Variants in SWT1 observed in about 807,000 individuals in gnomAD.
SWT1 encodes the protein transcriptional protein SWT1.
SWT1 carries 33 observed loss-of-function variants against 107.3 expected under a neutral mutation model. The observed-to-expected ratio is 0.31, with a 90% CI of 0.23 to 0.41. SWT1 has a LOEUF of 0.41. Ranked by LOEUF, SWT1 falls within the 10% of genes least tolerant of loss-of-function variation. The pLI is 1.00. For synonymous variants in SWT1, 345 were observed against 348.3 expected (o/e 0.99, Z 0.11); for missense variants, 898 against 1,028.9 (o/e 0.87, Z 1.74).
chr1:185,233,219 A>C (rs930055398), intron 16 of SWT1, among the ~76,000 whole-genome samples: 4 of 152,024 alleles, frequency 2.6e-5, no homozygotes, highest in Admixed American at 1.3e-4. Context: ...CTGGGAGTTT[A>C]AAAAAATAGG....
In SWT1 at chr1:185,222,483, G is replaced by A. The variant is rs144312580; in HGVS notation, c.2309+447G>A. Among the ~76,000 whole-genome samples, 1,249 of 152,156 alleles carry A rather than the reference G, an allele frequency of 8.2e-3. 15 individuals are homozygous for A. The highest frequency in any genetic ancestry group is 0.028 in the African/African-American group (1,173 of 41,506). On this transcript the variant is annotated intron_variant, in intron 15 of 18. Coordinates refer to ENST00000367500, the MANE Select transcript of SWT1 (RefSeq NM_017673.7). ...TGTGATAAGAACATTTAGGCCGGGCGTGGTGGCTTACACCCATAGTCCCAG... is the reference window on the plus strand; with the variant it reads ...TGTGATAAGAACATTTAGGCCGGGCATGGTGGCTTACACCCATAGTCCCAG...
At chr1:185,270,293 T>TA (rs1315896605) in intron 16 of SWT1, among the ~76,000 whole-genome samples, 1 of 110,340 alleles carries the variant, frequency 9.1e-6, no homozygotes, top group East Asian at 2.4e-4. Flanking sequence ...TTCCTTTTTT[T>TA]TTTTTTTTTC....
chr1:185,199,613 G>A (rs980931425), intron 10 of SWT1, among the ~76,000 whole-genome samples: 2 of 152,196 alleles, frequency 1.3e-5, no homozygotes, highest in Non-Finnish European at 2.9e-5. Context: ...TGAGAGATCT[G>A]CTGTTAGTCT....
chr1:185,231,618 C>G lies in SWT1; in HGVS notation c.2351C>G (p.Thr784Ser). ...FQRLGSNSAL[T>S]TSNIASFEEA... Reference sequence around the variant, plus strand: ...AGATTGGGCTCAAATTCAGCTCTGACTACTTCAAATATAGCATCATTTGAA... The same window carrying G: ...AGATTGGGCTCAAATTCAGCTCTGAGTACTTCAAATATAGCATCATTTGAA... Residue 784 changes from threonine (T) to serine (S), a missense_variant, in exon 16 of 19, where the codon ACT becomes AGT. This residue lies in a region of SWT1 where 382 missense variants were observed against 460.0 expected (regional missense o/e 0.83). Transcript: ENST00000367500. 2 of 1,610,384 alleles carry G rather than the reference C, an allele frequency of 1.2e-6. No individual in the cohort carries two copies. The highest frequency in any genetic ancestry group is 1.7e-6 in the Non-Finnish European group (2 of 1,177,140).
At chr1:185,191,048 G>A (rs915382935) in intron 10 of SWT1, among the ~76,000 whole-genome samples, 2 of 152,124 alleles carry the variant, frequency 1.3e-5, no homozygotes, top group South Asian at 4.1e-4. Context: ...TGCCTGGCTT[G>A]GAGTCCTGAT....
chr1:185,211,412 C>T (rs76643125), intron 13 of SWT1, among the ~76,000 whole-genome samples: 5,404 of 152,148 alleles, frequency 0.036, 305 homozygotes, highest in African/African-American at 0.12. Flanking sequence ...ATCCAAATAT[C>T]TATTTTTATA....
chr1:185,177,145 A>G, intron 5 of SWT1: 1 of 658,748 alleles, frequency 1.5e-6, no homozygotes, highest in South Asian at 6.8e-5. Context: ...GTTTGAATTG[A>G]GTTTGTTTTC....
chr1:185,167,384 G>A (rs1414688526), intron 3 of SWT1, among the ~76,000 whole-genome samples: 2 of 152,130 alleles, frequency 1.3e-5, no homozygotes, highest in Non-Finnish European at 2.9e-5. Flanking sequence ...ATAGGTTAGT[G>A]GTAATGTACT....
chr1:185,275,543 T>C (rs116038944), intron 17 of SWT1, among the ~76,000 whole-genome samples: 1,973 of 150,824 alleles, frequency 0.013, 40 homozygotes, highest in African/African-American at 0.045. Context: ...TGTGTACATA[T>C]ATATATAATT....
At chr1:185,173,084 T>G (rs1445448643) in intron 4 of SWT1, among the ~76,000 whole-genome samples, 1 of 151,722 alleles carries the variant, frequency 6.6e-6, no homozygotes, top group African/African-American at 2.4e-5. Context: ...ATGTTATTGT[T>G]ATTATTAGCA....
chr1:185,284,795 T>C (rs923942004), intron 18 of SWT1, among the ~76,000 whole-genome samples: 2 of 152,182 alleles, frequency 1.3e-5, no homozygotes, highest in Non-Finnish European at 2.9e-5. Context: ...GAGATAATTA[T>C]TTAGCTCAAG....
chr1:185,171,043 C>T (rs1277066896), intron 4 of SWT1, among the ~76,000 whole-genome samples: 1 of 152,146 alleles, frequency 6.6e-6, no homozygotes, highest in African/African-American at 2.4e-5. Flanking sequence ...AAAACAGTGA[C>T]TACCTCTAGC....
chr1:185,251,784 T>A (rs973529328), intron 16 of SWT1, among the ~76,000 whole-genome samples: 19 of 150,512 alleles, frequency 1.3e-4, no homozygotes, highest in African/African-American at 4.6e-4. Context: ...GTAAAACAAT[T>A]TATATATATA....
intron 2 of SWT1, among the ~76,000 whole-genome samples, chr1:185,161,632 C>A (rs1654156708): frequency 6.6e-6 from 1 of 151,934 alleles, no homozygotes; most frequent in Non-Finnish European, 1.5e-5. Flanking sequence ...GCCACGGAGA[C>A]CAAGGCTGAA....
In SWT1 at chr1:185,174,514, G is replaced by T; in HGVS notation, c.367G>T (p.Asp123Tyr). 6.2e-7 allele frequency: 1 copy of T among 1,610,986 alleles called. No individual in the cohort carries two copies. The highest frequency in any genetic ancestry group is 8.5e-7 in the Non-Finnish European group (1 of 1,179,026). The change falls in exon 5 of 19, where the codon GAC (aspartate) becomes TAC (tyrosine). Residue 123 changes from aspartate (D) to tyrosine (Y), a missense_variant. This residue lies in a region of SWT1 where 382 missense variants were observed against 362.4 expected (regional missense o/e 1.05). Transcript: ENST00000367500. ...QSPSSNGTKKDIHKCVDFKPK... is the reference protein window; with the variant it reads ...QSPSSNGTKKYIHKCVDFKPK... ...TCCTTCTTCAAATGGAACTAAAAAA[G>T]ACATACATAAATGTGTAGACTTTAA...
At chr1:185,273,426 G>A (rs954109984) in intron 17 of SWT1, among the ~76,000 whole-genome samples, 6 of 150,918 alleles carry the variant, frequency 4.0e-5, no homozygotes, top group African/African-American at 1.5e-4. Context: ...AAATAGGCTG[G>A]GCGCGGTGGC....
At position 185,160,900 on chromosome 1, in the gene SWT1, C is replaced by T; in HGVS notation, c.59C>T (p.Thr20Ile). Residue 20 changes from threonine (T) to isoleucine (I), a missense_variant, in exon 2 of 19, where the codon ACC becomes ATC. Physicochemically the swap from Thr to Ile is moderately conservative, Grantham distance 89. Coordinates refer to ENST00000367500, the MANE Select transcript of SWT1 (RefSeq NM_017673.7). Reference protein sequence around the residue: ...KETSQRKDTTTSSPNFGEKDK... With the variant: ...KETSQRKDTTISSPNFGEKDK... ...ACATCTCAGAGGAAAGACACCACCA[C>T]CTCATCACCCAATTTTGGTGAAAAA... 6.2e-7 allele frequency: 1 copy of T among 1,612,676 alleles called. No homozygotes were observed. Among genetic ancestry groups the T allele is most frequent in the Non-Finnish European group, 8.5e-7 (1 of 1,179,350 alleles).
At chr1:185,287,481 A>G (rs999655925) in intron 18 of SWT1, among the ~76,000 whole-genome samples, 1 of 152,188 alleles carries the variant, frequency 6.6e-6, no homozygotes, top group Non-Finnish European at 1.5e-5. Context: ...GGAAGAAGGG[A>G]AAGAGAGTTT....
At chr1:185,282,756 A>G (rs1450811852) in intron 18 of SWT1, among the ~76,000 whole-genome samples, 1 of 152,062 alleles carries the variant, frequency 6.6e-6, no homozygotes, top group Non-Finnish European at 1.5e-5. Flanking sequence ...ATTGAATTGA[A>G]TTATAGTACA....
Sources: allele counts gnomAD v4.1 joint callset (sites outside exome capture counted in the v4.1 genomes callset), GRCh38; gene constraint gnomAD v4.1.1; regional missense constraint gnomAD v4.1.1; transcripts MANE v1.5; gene names NCBI Gene and HGNC (gene_info 2026-07-23, HGNC 2026-07-21).